The following IL1RAPL1 variants were observed in gnomAD, a reference collection of about 807,000 sequenced individuals.
IL1RAPL1 encodes interleukin-1 receptor accessory protein-like 1.
IL1RAPL1 carries 3 observed loss-of-function variants against 48.4 expected under a neutral mutation model. The observed-to-expected ratio is 0.06, with a 90% CI of 0.03 to 0.16. The LOEUF (loss-of-function observed/expected upper bound fraction) is 0.16, where lower values mean the gene tolerates loss of function less well. Among genes scored for constraint, IL1RAPL1 ranks in the 10% least tolerant of loss-of-function variants. IL1RAPL1 has a pLI of 1.00. For synonymous variants in IL1RAPL1, 185 were observed against 187.7 expected (o/e 0.99, Z 0.12); for missense variants, 349 against 530.6 (o/e 0.66, Z 3.36).
chrX:29,400,796 A>C (rs1207888530), intron 5 of IL1RAPL1, among the ~76,000 whole-genome samples: 1 of 111,978 alleles, frequency 8.9e-6, no homozygotes, highest in Non-Finnish European at 1.9e-5. Flanking sequence ...TTTTTCCTTT[A>C]ATCTCTACTG....
At chrX:29,201,755 G>A (rs5943614) in intron 2 of IL1RAPL1, among the ~76,000 whole-genome samples, 63,178 of 107,165 alleles carry the variant, frequency 0.59, 17,009 homozygotes, top group Non-Finnish European at 0.83. Context: ...GCAATGGCAC[G>A]CTCTCGGCTC....
chrX:29,947,387 A>C (rs1298460178), intron 9 of IL1RAPL1, among the ~76,000 whole-genome samples: 5 of 111,364 alleles, frequency 4.5e-5, no homozygotes, highest in Non-Finnish European at 9.4e-5. Flanking sequence ...ATGCTTACTC[A>C]TAATGACGCC....
intron 3 of IL1RAPL1, among the ~76,000 whole-genome samples, chrX:29,319,586 C>T (rs1442813327): frequency 9.4e-6 from 1 of 106,655 alleles, no homozygotes; most frequent in African/African-American, 3.4e-5. Flanking sequence ...ATCCATCCAT[C>T]GATCTAAAAA....
chrX:29,272,711 T>C (rs887892768), intron 2 of IL1RAPL1, among the ~76,000 whole-genome samples: 1 of 112,019 alleles, frequency 8.9e-6, no homozygotes, highest in African/African-American at 3.2e-5. Flanking sequence ...TTAGCAAGGT[T>C]AGGGAAACTT....
At chrX:28,926,119 A>G (rs1213732107) in intron 2 of IL1RAPL1, among the ~76,000 whole-genome samples, 1 of 111,958 alleles carries the variant, frequency 8.9e-6, no homozygotes, top group Non-Finnish European at 1.9e-5. Flanking sequence ...TAAACAAAAT[A>G]GAAAATTTGG....
chrX:29,156,594 C>T (rs60367555), intron 2 of IL1RAPL1, among the ~76,000 whole-genome samples: 30,424 of 110,028 alleles, frequency 0.28, 3,924 homozygotes, highest in African/African-American at 0.5. Context: ...ATCACCTGGG[C>T]GTAAAAACCT....
At position 28,663,481 on chromosome X, in the gene IL1RAPL1, T is replaced by A. The variant is rs1025490428; in HGVS notation, c.-25+75434T>A. Among the ~76,000 whole-genome samples the A allele has an allele frequency of 2.7e-5, 3 of 112,237 alleles. No individual in the cohort carries two copies. In the Admixed American group the frequency reaches 2.8e-4, roughly 11 times the overall value. Reference sequence around the variant, plus strand: ...CAGTAATTTTAAAACGGGATTGTATTTTGTATGTCTGTTTCATTTTTCAAG... The same window carrying A: ...CAGTAATTTTAAAACGGGATTGTATATTGTATGTCTGTTTCATTTTTCAAG... On this transcript the variant is annotated intron_variant, in intron 1 of 10. Transcript: ENST00000378993.
chrX:28,712,003 C>G (rs1024435983), intron 1 of IL1RAPL1, among the ~76,000 whole-genome samples: 1 of 110,715 alleles, frequency 9.0e-6, no homozygotes, highest in Non-Finnish European at 1.9e-5. Context: ...TCATCGCAAA[C>G]CTAAAGAGGC....
chrX:29,862,852 A>G (rs1931616880), intron 6 of IL1RAPL1, among the ~76,000 whole-genome samples: 1 of 108,595 alleles, frequency 9.2e-6, no homozygotes, highest in Non-Finnish European at 1.9e-5. Flanking sequence ...TTGTGTTCTG[A>G]TAGACTCTCC....
chrX:29,739,199 T>C (rs1340895530), intron 6 of IL1RAPL1, among the ~76,000 whole-genome samples: 1 of 112,661 alleles, frequency 8.9e-6, no homozygotes, highest in Non-Finnish European at 1.9e-5. Context: ...TTAGTTCTTC[T>C]GTATTATGCT....
chrX:29,726,077 C>T (rs938446748), intron 6 of IL1RAPL1, among the ~76,000 whole-genome samples: 1 of 112,130 alleles, frequency 8.9e-6, no homozygotes, highest in Non-Finnish European at 1.9e-5. Flanking sequence ...TGGTTACTTT[C>T]AGACAAAAGA....
chrX:28,981,082 C>A (rs1271210312), intron 2 of IL1RAPL1, among the ~76,000 whole-genome samples: 4 of 59,341 alleles, frequency 6.7e-5, no homozygotes, highest in East Asian at 1.2e-3. Flanking sequence ...CAGAGTGAGA[C>A]CCTGTCTCAA....
At chrX:28,972,549 T>A (rs1282366998) in intron 2 of IL1RAPL1, among the ~76,000 whole-genome samples, 1 of 110,058 alleles carries the variant, frequency 9.1e-6, no homozygotes, top group Non-Finnish European at 1.9e-5. Context: ...CCATCCTGGC[T>A]AATACAGTGA....
intron 2 of IL1RAPL1, among the ~76,000 whole-genome samples, chrX:29,096,181 C>A (rs1272080932): frequency 9.0e-6 from 1 of 111,056 alleles, no homozygotes; most frequent in Non-Finnish European, 1.9e-5. Context: ...AAAAACTAGT[C>A]CTGTGGTTGC....
chrX:29,002,544 A>AT lies in IL1RAPL1; in HGVS notation c.82+213121dup, dbSNP rs764670295. ...ATATGTATGTTTTTTTAAAGCCAAA[A>AT]TTAAAAAAAAAAAGACTAAAGGGGA... On this transcript the variant is annotated intron_variant, in intron 2 of 10. Transcript: ENST00000378993. Among the ~76,000 whole-genome samples the AT allele has an allele frequency of 2.0e-3, 218 of 109,729 alleles. 1 individual carries two copies. The highest frequency in any genetic ancestry group is 6.9e-3 in the African/African-American group (208 of 30,128).
chrX:29,585,537 C>T (rs1259471071), intron 5 of IL1RAPL1, among the ~76,000 whole-genome samples: 1 of 111,727 alleles, frequency 9.0e-6, no homozygotes, highest in Non-Finnish European at 1.9e-5. Flanking sequence ...TGAATAAATA[C>T]CCAGAGTTGG....
intron 9 of IL1RAPL1, among the ~76,000 whole-genome samples, chrX:29,953,370 T>C (rs1337174181): frequency 1.8e-5 from 2 of 112,065 alleles, no homozygotes; most frequent in African/African-American, 6.5e-5. Context: ...GGAAGATAAA[T>C]GATTTCTTAT....
At chrX:28,608,584 CT>C (rs954336235) in intron 1 of IL1RAPL1, among the ~76,000 whole-genome samples, 4 of 111,964 alleles carry the variant, frequency 3.6e-5, no homozygotes, top group Non-Finnish European at 5.6e-5. Context: ...TCATTACCCA[CT>C]TTATTGCAGC....
At chrX:29,351,000 C>G (rs1274773251) in intron 3 of IL1RAPL1, among the ~76,000 whole-genome samples, 1 of 111,609 alleles carries the variant, frequency 9.0e-6, no homozygotes, top group African/African-American at 3.3e-5. Flanking sequence ...TTGAACCTTA[C>G]TCTAATCTGC....
Sources: gnomAD v4.1 joint callset for allele counts (sites outside exome capture counted in the v4.1 genomes callset) on GRCh38, gnomAD v4.1.1 for gene constraint, MANE v1.5 for transcripts, NCBI Gene and HGNC (gene_info 2026-07-23, HGNC 2026-07-21) for gene names.